DEUP1: variants seen among roughly 807,000 people sequenced by gnomAD.
DEUP1 encodes deuterosome assembly protein 1, also known as coiled-coil domain containing 67.
DEUP1 carries 82 observed loss-of-function variants against 87.4 expected under a neutral mutation model. The observed-to-expected ratio is 0.94, with a 90% CI of 0.78 to 1.13. DEUP1 has a LOEUF of 1.13. DEUP1 is among the 50% of genes most tolerant of loss of function. DEUP1 has a pLI of 0.00. For synonymous variants in DEUP1, 214 were observed against 222.7 expected, an observed-to-expected ratio of 0.96 and a Z score of 0.35; for missense variants, 663 against 681.5, an observed-to-expected ratio of 0.97 and a Z score of 0.30.
Position 93,396,327 on chromosome 11 carries a change from T to A in DEUP1, c.1326+2T>A. The A allele has an allele frequency of 1.3e-6, 2 of 1,508,550 alleles. No homozygotes were observed. The highest frequency in any genetic ancestry group is 2.0e-5 in the Admixed American group (1 of 50,714). The allele number at this position is 1,508,550 out of a possible 1,614,324, so 93.4% of individuals were successfully genotyped here. A position where few individuals can be genotyped will look rare whatever the true frequency, so the allele number is the denominator to read the frequency against. On this transcript the variant is annotated splice_donor_variant, in intron 11 of 13. Transcript: ENST00000298050. LOFTEE classifies it high-confidence loss of function. The stretch of plus-strand genomic sequence containing the variant: ...GATTTAGACCCCGGAGAATACATGG[T>A]AATATGCTGACATCATTCAATAAAT...
chr11:93,391,928 C>T (rs140073412), intron 9 of DEUP1, among the ~76,000 whole-genome samples: 100 of 152,074 alleles, frequency 6.6e-4, no homozygotes, highest in African/African-American at 2.3e-3. Context: ...TCTTAGTTTC[C>T]GCCTTGTTCT....
chr11:93,345,749 A>G (rs535176922), intron 2 of DEUP1, among the ~76,000 whole-genome samples: 1 of 152,120 alleles, frequency 6.6e-6, no homozygotes, highest in East Asian at 1.9e-4. Context: ...GATGCTGGAT[A>G]TATTAGACCT....
intron 2 of DEUP1, among the ~76,000 whole-genome samples, chr11:93,335,939 AC>A (rs1358375570): frequency 6.6e-6 from 1 of 152,030 alleles, no homozygotes; most frequent in African/African-American, 2.4e-5. Context: ...ACATGGAGAA[AC>A]CCCGTCTCTA....
chr11:93,416,571 T>C (rs1420758538), intron 13 of DEUP1, among the ~76,000 whole-genome samples: 2 of 151,622 alleles, frequency 1.3e-5, no homozygotes, highest in African/African-American at 2.4e-5. Context: ...CAGGACCAGA[T>C]GGATTCACAG....
intron 5 of DEUP1, among the ~76,000 whole-genome samples, chr11:93,367,802 A>G (rs1945498879): frequency 6.6e-6 from 1 of 152,194 alleles, no homozygotes; most frequent in Non-Finnish European, 1.5e-5. Flanking sequence ...GTTTCCAACC[A>G]TGTTGTTTTC....
chr11:93,339,215 A>G (rs1012128975), intron 2 of DEUP1, among the ~76,000 whole-genome samples: 10 of 152,238 alleles, frequency 6.6e-5, no homozygotes, highest in Admixed American at 2.6e-4. Context: ...ACATGTTGCC[A>G]TATTAAAGCA....
At chr11:93,427,470 T>C (rs367704705) in intron 13 of DEUP1, among the ~76,000 whole-genome samples, 2 of 152,106 alleles carry the variant, frequency 1.3e-5, no homozygotes, top group South Asian at 2.1e-4. Context: ...ATACAAAAAT[T>C]AATTCAAGAT....
intron 13 of DEUP1, among the ~76,000 whole-genome samples, chr11:93,434,256 C>A (rs555330658): frequency 6.6e-4 from 100 of 152,284 alleles, no homozygotes; most frequent in Middle Eastern, 3.4e-3. Flanking sequence ...CCTCATGCTG[C>A]AATTGGTCGC....
intron 13 of DEUP1, among the ~76,000 whole-genome samples, chr11:93,436,324 G>T (rs1291243309): frequency 6.6e-6 from 1 of 152,148 alleles, no homozygotes; most frequent in African/African-American, 2.4e-5. Context: ...AGATGGGCTA[G>T]GCCCCTTCAG....
chr11:93,386,919 G>A (rs1212734885), intron 8 of DEUP1, among the ~76,000 whole-genome samples: 1 of 152,168 alleles, frequency 6.6e-6, no homozygotes, highest in Admixed American at 6.5e-5. Context: ...GAAGAGCATT[G>A]TAGGTACTTT....
chr11:93,400,147 CT>C (rs920898012), intron 11 of DEUP1, among the ~76,000 whole-genome samples: 15 of 152,072 alleles, frequency 9.9e-5, no homozygotes, highest in African/African-American at 3.4e-4. Flanking sequence ...TGGAATAAAC[CT>C]TTTTAGTCAT....
chr11:93,405,637 A>T (rs1947249626), intron 11 of DEUP1, among the ~76,000 whole-genome samples: 2 of 152,024 alleles, frequency 1.3e-5, no homozygotes, highest in Admixed American at 1.3e-4. Context: ...GAAGCAAAAA[A>T]TGAAATATGT....
In DEUP1 at chr11:93,371,241, G is replaced by A; in HGVS notation, c.750G>A (p.Lys250=). The A allele has an allele frequency of 1.9e-6, 3 of 1,613,096 alleles. No homozygotes were observed. The highest frequency in any genetic ancestry group is 2.5e-6 in the Non-Finnish European group (3 of 1,179,570). ...SRNKLQDENQ[K]LLQELKMYQR... ...ATAAATTACAAGATGAAAATCAGAA[G>A]CTCTTGCAAGAACTGAAAATGTACC... The change falls in exon 7 of 14, where the codon AAG becomes AAA. Residue 250 remains lysine, a synonymous_variant. Coordinates refer to ENST00000298050, the MANE Select transcript of DEUP1 (RefSeq NM_181645.4).
chr11:93,398,814 G>C (rs577842863), intron 11 of DEUP1, among the ~76,000 whole-genome samples: 16 of 150,668 alleles, frequency 1.1e-4, no homozygotes, highest in Non-Finnish European at 1.8e-4. Flanking sequence ...TCCACCTCCC[G>C]GGTTCAAGCA....
At chr11:93,349,507 ACC>A (rs889369701) in intron 2 of DEUP1, among the ~76,000 whole-genome samples, 23 of 151,674 alleles carry the variant, frequency 1.5e-4, no homozygotes, top group African/African-American at 5.3e-4. Flanking sequence ...GATCTGTGAG[ACC>A]CCCTCTGAGC....
chr11:93,373,623 A>ATGTGTGTGTATATATATATATATATG (rs1565316282), intron 7 of DEUP1, among the ~76,000 whole-genome samples: 30 of 106,886 alleles, frequency 2.8e-4, no homozygotes, highest in African/African-American at 1.1e-3. Context: ...GTATATATAT[A>ATGTGTGTGTATATATATATATATATG]CGTATATATA....
chr11:93,410,941 T>G (rs1947418475), intron 12 of DEUP1: 1 of 152,222 alleles, frequency 6.6e-6, no homozygotes, highest in Non-Finnish European at 1.5e-5. Flanking sequence ...CCAGTTTCAT[T>G]TGTTGAAAGT....
chr11:93,412,326 A>G (rs1300827950), intron 12 of DEUP1, among the ~76,000 whole-genome samples: 1 of 152,206 alleles, frequency 6.6e-6, no homozygotes, highest in East Asian at 1.9e-4. Flanking sequence ...CATTGAACAG[A>G]TCAGCTTGTG....
intron 13 of DEUP1, among the ~76,000 whole-genome samples, chr11:93,420,399 C>A (rs142117447): frequency 0.011 from 1,642 of 152,246 alleles, 37 homozygotes; most frequent in African/African-American, 0.038. Flanking sequence ...ATTAGGTATT[C>A]ATGGGACGTA....
Sources: gnomAD v4.1 joint callset for allele counts (sites outside exome capture counted in the v4.1 genomes callset) on GRCh38, gnomAD v4.1.1 for gene constraint, MANE v1.5 for transcripts, NCBI Gene and HGNC (gene_info 2026-07-23, HGNC 2026-07-21) for gene names.